TAF4: variants seen among roughly 807,000 people sequenced by gnomAD.
The protein encoded by TAF4 is transcription initiation factor TFIID subunit 4.
A neutral mutation model predicts 90.3 loss-of-function variants in TAF4; 9 were observed. The observed-to-expected ratio is 0.10, with a 90% confidence interval of 0.06 to 0.17. TAF4 has a LOEUF of 0.17. TAF4 is among the 10% of genes least tolerant of loss of function. The probability of loss-of-function intolerance (pLI) is 1.00; values close to 1 mark genes in which losing one functional copy is unlikely to be tolerated. For missense variants in TAF4, 1,351 were observed against 1,370.7 expected (o/e 0.99, Z 0.23); for synonymous variants, 818 against 638.9 (o/e 1.28, Z -4.23).
chr20:62,050,281 G>A (rs73915544), intron 1 of TAF4, among the ~76,000 whole-genome samples: 4,454 of 152,088 alleles, frequency 0.029, 165 homozygotes, highest in African/African-American at 0.087. Flanking sequence ...CCAGGGTCCC[G>A]GCCTGGCTCT....
rs2056127697 is a variant in TAF4, at chr20:62,065,757, G to A, written c.54C>T (p.Asp18=). The change falls in exon 1 of 15, where the codon GAC becomes GAT. Residue 18 remains aspartate (D), a synonymous_variant. Transcript: ENST00000252996. ...LDEVFFNSEV[D]EKVVSDLVGS... ...CCACCAGGTCGCTCACCACTTTCTC[G>A]TCCACCTCGCTGTTGAAGAAGACCT... 1.5e-6 allele frequency: 2 copies of A among 1,342,700 alleles called. No homozygotes were observed. The highest frequency in any genetic ancestry group is 1.9e-6 in the Non-Finnish European group (2 of 1,029,158). The allele number at this position is 1,342,700 out of a possible 1,614,324, so 83.2% of individuals were successfully genotyped here.
At chr20:62,044,000 ACCAC>A (rs924431961) in intron 1 of TAF4, among the ~76,000 whole-genome samples, 2 of 152,166 alleles carry the variant, frequency 1.3e-5, no homozygotes, top group Non-Finnish European at 2.9e-5. Flanking sequence ...CAATGCAAAG[ACCAC>A]CCTGCCTGGC....
intron 1 of TAF4, among the ~76,000 whole-genome samples, chr20:62,026,736 T>C (rs1461808142): frequency 6.6e-6 from 1 of 152,156 alleles, no homozygotes; most frequent in Non-Finnish European, 1.5e-5. Flanking sequence ...CAGGCAGAAA[T>C]GGGGCCTCCA....
At chr20:62,050,117 G>C (rs1424755742) in intron 1 of TAF4, among the ~76,000 whole-genome samples, 3 of 152,198 alleles carry the variant, frequency 2.0e-5, no homozygotes, top group African/African-American at 7.2e-5. Flanking sequence ...CTTCCATGAA[G>C]ATGAGGCCAC....
At chr20:62,017,681 C>T (rs115278812) in intron 1 of TAF4, among the ~76,000 whole-genome samples, 173 of 151,740 alleles carry the variant, frequency 1.1e-3, no homozygotes, top group African/African-American at 4.0e-3. Context: ...AAAATTGCAT[C>T]CAAAAAATTA....
Position 62,004,098 on chromosome 20 carries a change from C to T in TAF4, c.2224-220G>A, listed in dbSNP as rs549511141. ...GGGCAGGACGTGGGCGAGGGGTGCC[C>T]GTGTGAGCACAGAAGGGGCAAGCGG... On this transcript the variant is annotated intron_variant, in intron 7 of 14. Transcript: ENST00000252996. Among the ~76,000 whole-genome samples, 4 of 152,246 alleles carry T rather than the reference C, an allele frequency of 2.6e-5. No individual in the cohort carries two copies. In the South Asian group the frequency reaches 8.3e-4, roughly 32 times the overall value.
intron 1 of TAF4, among the ~76,000 whole-genome samples, chr20:62,038,230 T>C (rs2055944766): frequency 6.6e-6 from 1 of 152,020 alleles, no homozygotes; most frequent in Non-Finnish European, 1.5e-5. Flanking sequence ...GGTTTCACAG[T>C]GTTAGCCAGG....
intron 12 of TAF4, 116 bp from the exon 13 acceptor site, chr20:61,998,308 T>C (rs1026561534): frequency 7.3e-6 from 8 of 1,092,340 alleles, no homozygotes; most frequent in African/African-American, 6.5e-5. Context: ...AAAGAATGCA[T>C]AGCAAATTTG....
intron 1 of TAF4, 85 bp downstream of exon 1, chr20:62,064,366 C>T (rs897548665): frequency 6.7e-5 from 84 of 1,260,484 alleles, no homozygotes; most frequent in Non-Finnish European, 8.4e-5. Context: ...ATGACCTTAG[C>T]ATTCCACCAG....
rs1407673893 is a variant in TAF4, at chr20:62,006,940, T to G, written c.1975-182A>C. On this transcript the variant is annotated intron_variant, in intron 6 of 14. Transcript: ENST00000252996. The surrounding 1 kb of genome is among the most constrained non-coding windows in gnomAD (Gnocchi z 7.0). ...GACCCCATCCTGCCCTCCCACTAAGTGGGATTATTCCTGATAGCAAATGTC... is the reference window on the plus strand; with the variant it reads ...GACCCCATCCTGCCCTCCCACTAAGGGGGATTATTCCTGATAGCAAATGTC... The G allele has an allele frequency of 9.5e-6, 7 of 739,720 alleles. No homozygotes were observed. The highest frequency in any genetic ancestry group is 1.1e-5 in the Non-Finnish European group (6 of 528,552). The allele number at this position is 739,720 out of a possible 1,614,324, so 45.8% of individuals were successfully genotyped here.
At chr20:62,009,277 T>G in intron 4 of TAF4, 103 bp from the exon 5 acceptor site, 1 of 1,178,418 alleles carries the variant, frequency 8.5e-7, no homozygotes, top group Non-Finnish European at 1.2e-6. Context: ...ATACATATAT[T>G]TCTTCTCTAA....
intron 1 of TAF4, among the ~76,000 whole-genome samples, chr20:62,017,131 A>AC (rs951049477): frequency 2.6e-5 from 4 of 151,318 alleles, no homozygotes; most frequent in Non-Finnish European, 4.4e-5. Context: ...ACAGAGTGAG[A>AC]CCCCATCTCC....
chr20:62,057,424 G>A (rs1002391189), intron 1 of TAF4, among the ~76,000 whole-genome samples: 9 of 152,208 alleles, frequency 5.9e-5, no homozygotes, highest in Non-Finnish European at 8.8e-5. Flanking sequence ...AAATTTGATA[G>A]ACAGAAAAAA....
At chr20:62,053,632 AG>A (rs1300110344) in intron 1 of TAF4, among the ~76,000 whole-genome samples, 2 of 152,202 alleles carry the variant, frequency 1.3e-5, no homozygotes, top group Non-Finnish European at 2.9e-5. Context: ...CAGATCCACA[AG>A]GTCTCACCTG....
At position 62,006,631 on chromosome 20, in the gene TAF4, G is replaced by A; in HGVS notation, c.2102C>T (p.Ser701Leu). 1 of 1,604,768 alleles carries A rather than the reference G, an allele frequency of 6.2e-7. No individual in the cohort carries two copies. Among genetic ancestry groups the A allele is most frequent in the Non-Finnish European group, 8.5e-7 (1 of 1,175,214 alleles). Reference sequence around the variant, plus strand: ...CGTCTTCCCGGCCGTGCGCTGGACCGAGCTACTCAGCACCACGGCCGTGAG... The same window carrying A: ...CGTCTTCCCGGCCGTGCGCTGGACCAAGCTACTCAGCACCACGGCCGTGAG... ...TALTAVVLSS[S>L]VQRTAGKTAA... The change falls in exon 7 of 15, where the codon TCG becomes TTG. Residue 701 changes from serine to leucine, a missense_variant. Coordinates refer to ENST00000252996, the MANE Select transcript of TAF4 (RefSeq NM_003185.4). The surrounding 1 kb of genome is among the most constrained non-coding windows in gnomAD (Gnocchi z 7.0).
At chr20:62,013,234 C>G (rs2055789770) in intron 2 of TAF4, among the ~76,000 whole-genome samples, 1 of 152,206 alleles carries the variant, frequency 6.6e-6, no homozygotes, top group Non-Finnish European at 1.5e-5. Context: ...TGGCTTGTGA[C>G]CTCGTTAACA....
In TAF4 at chr20:62,065,073, G is replaced by A. The variant is rs767439338; in HGVS notation, c.738C>T (p.Ala246=). 3.4e-5 allele frequency: 32 copies of A among 931,206 alleles called. No homozygotes were observed. The highest frequency in any genetic ancestry group is 3.8e-5 in the African/African-American group (2 of 52,380). The allele number at this position is 931,206 out of a possible 1,614,324, so 57.7% of individuals were successfully genotyped here. A position where few individuals can be genotyped will look rare whatever the true frequency, so the allele number is the denominator to read the frequency against. Residue 246 remains alanine (A), a synonymous_variant, in exon 1 of 15, where the codon GCC becomes GCT. Coordinates refer to ENST00000252996, the MANE Select transcript of TAF4 (RefSeq NM_003185.4). ...GCGCGGCGGGCGCGGGGGGCGCGGC[G>A]GCGCCCACGAAGGGGGGCGTCTGGA... ...TVIQTPPFVG[A]AAPPAPAAPS... is the part of the protein sequence containing the mutation.
chr20:62,034,482 C>G (rs755898097), intron 1 of TAF4, among the ~76,000 whole-genome samples: 33 of 152,074 alleles, frequency 2.2e-4, no homozygotes, highest in Non-Finnish European at 4.4e-4. Context: ...CACCACCACA[C>G]CTGGCTAAAT....
intron 1 of TAF4, among the ~76,000 whole-genome samples, chr20:62,049,564 G>A (rs530474449): frequency 1.3e-5 from 2 of 150,752 alleles, no homozygotes; most frequent in Admixed American, 1.3e-4. Context: ...CATCGTCCTG[G>A]GTCTCATCTA....
Sources: allele counts gnomAD v4.1 joint callset (sites outside exome capture counted in the v4.1 genomes callset), GRCh38; gene constraint gnomAD v4.1.1; non-coding constraint Gnocchi (gnomAD v3.1); transcripts MANE v1.5; gene names NCBI Gene and HGNC (gene_info 2026-07-23, HGNC 2026-07-21).